Variants in ZRANB3 observed in about 807,000 individuals in gnomAD.
The protein encoded by ZRANB3 is DNA annealing helicase and endonuclease ZRANB3.
A neutral mutation model predicts 133.8 loss-of-function variants in ZRANB3; 125 were observed. The observed-to-expected ratio is 0.93, with a 90% CI of 0.81 to 1.08. The LOEUF is 1.08. Among genes scored for constraint, ZRANB3 ranks in the 50% least tolerant of loss-of-function variants. The pLI, the probability that ZRANB3 is intolerant of heterozygous loss-of-function variation, is 0.00. For synonymous variants in ZRANB3, 387 were observed against 432.7 expected (o/e 0.89, Z 1.31); for missense variants, 1,229 against 1,275.5 (o/e 0.96, Z 0.56).
chr2:135,222,192 C>T (rs901182424), intron 15 of ZRANB3, among the ~76,000 whole-genome samples: 3 of 151,882 alleles, frequency 2.0e-5, no homozygotes, highest in African/African-American at 7.3e-5. Flanking sequence ...ATCACGAAGT[C>T]AGGAGTTCAA....
chr2:135,527,419 C>T (rs889435528), intron 1 of ZRANB3, among the ~76,000 whole-genome samples: 2 of 151,982 alleles, frequency 1.3e-5, no homozygotes, highest in Non-Finnish European at 2.9e-5. Context: ...GTTAGCCAGG[C>T]ATGATGGTGC....
At chr2:135,367,702 C>T (rs1194105560) in intron 3 of ZRANB3, among the ~76,000 whole-genome samples, 1 of 152,142 alleles carries the variant, frequency 6.6e-6, no homozygotes, top group Non-Finnish European at 1.5e-5. Context: ...CTGCATTAAA[C>T]ATAGTGATAG....
intron 2 of ZRANB3, among the ~76,000 whole-genome samples, chr2:135,452,182 C>A (rs997333954): frequency 2.6e-5 from 4 of 152,050 alleles, no homozygotes; most frequent in Non-Finnish European, 4.4e-5. Context: ...AAGCAGAAAC[C>A]CCTGATGAAC....
intron 10 of ZRANB3, among the ~76,000 whole-genome samples, 153 bp downstream of exon 10, chr2:135,271,615 T>C (rs1409903166): frequency 6.6e-6 from 1 of 152,238 alleles, no homozygotes; most frequent in African/African-American, 2.4e-5. Context: ...CTTTCTATTA[T>C]ACTTTCTGGA....
At chr2:135,223,802 A>T (rs1283996400) in intron 15 of ZRANB3, among the ~76,000 whole-genome samples, 1 of 152,198 alleles carries the variant, frequency 6.6e-6, no homozygotes, top group Non-Finnish European at 1.5e-5. Flanking sequence ...AGGAATCAGC[A>T]ATCATCTGAC....
At chr2:135,421,667 T>C (rs1688848437) in intron 2 of ZRANB3, among the ~76,000 whole-genome samples, 1 of 152,130 alleles carries the variant, frequency 6.6e-6, no homozygotes, top group Non-Finnish European at 1.5e-5. Context: ...CTACTCTATA[T>C]CTGTTGCTTC....
At chr2:135,397,443 G>T (rs1034739690) in intron 2 of ZRANB3, among the ~76,000 whole-genome samples, 2 of 134,926 alleles carry the variant, frequency 1.5e-5, no homozygotes, top group African/African-American at 5.4e-5. Flanking sequence ...GCCAGACCCT[G>T]ACTCAAAAAA....
intron 3 of ZRANB3, among the ~76,000 whole-genome samples, chr2:135,359,955 T>A (rs1377299781): frequency 1.3e-5 from 2 of 152,182 alleles, no homozygotes; most frequent in Admixed American, 6.5e-5. Context: ...TGAAACAAAC[T>A]AGAAAAATAC....
Position 135,230,847 on chromosome 2 carries a change from G to A in ZRANB3, c.1620C>T (p.Asp540=), listed in dbSNP as rs374594617. The A allele has an allele frequency of 1.6e-4, 263 of 1,609,514 alleles. No homozygotes were observed. Among genetic ancestry groups the A allele is most frequent in the East Asian group, 4.7e-4 (21 of 44,810 alleles). ...TTTCCTCCCGGAATCTCTTTGATTC[G>A]TCACAGGAGGTCATCAACTGTCTTT... is the stretch of plus-strand genomic sequence containing the variant. ...PKKRQLMTSC[D]ESKRFREENT... Residue 540 remains aspartate (D), a synonymous_variant, in exon 13 of 21, where the codon GAC becomes GAT. Coordinates refer to ENST00000264159, the MANE Select transcript of ZRANB3 (RefSeq NM_032143.4).
intron 2 of ZRANB3, among the ~76,000 whole-genome samples, chr2:135,440,341 G>A (rs1689725541): frequency 6.6e-6 from 1 of 152,006 alleles, no homozygotes; most frequent in South Asian, 2.1e-4. Context: ...AGAGGTTGCA[G>A]TGAGCTGAGA....
Position 135,350,177 on chromosome 2 carries a change from C to T in ZRANB3, c.398G>A (p.Gly133Asp). The T allele has an allele frequency of 1.2e-6, 2 of 1,607,012 alleles. No homozygotes were observed. The highest frequency in any genetic ancestry group is 1.7e-6 in the Non-Finnish European group (2 of 1,176,428). Residue 133 changes from glycine (G) to aspartate (D), a missense_variant, in exon 5 of 21, where the codon GGT becomes GAT. Coordinates refer to ENST00000264159, the MANE Select transcript of ZRANB3 (RefSeq NM_032143.4). ...STSKVTVLGY[G>D]LLTADAKTLI... ...AGTCTTTGCATCTGCGGTTAAGAGA[C>T]CATAACCCAGAACTGTCACTTTACT...
intron 1 of ZRANB3, among the ~76,000 whole-genome samples, chr2:135,524,460 T>A (rs929310841): frequency 3.3e-5 from 5 of 152,152 alleles, no homozygotes. Context: ...CAAGAAAAAT[T>A]CTGTATTGTT....
At chr2:135,346,289 A>T (rs553808639) in intron 5 of ZRANB3, among the ~76,000 whole-genome samples, 43 of 152,028 alleles carry the variant, frequency 2.8e-4, no homozygotes, top group African/African-American at 9.9e-4. Context: ...TTTAGTAGAG[A>T]CGGGGTTTCA....
chr2:135,224,590 G>T, intron 14 of ZRANB3, 73 bp from the exon 15 acceptor site: 1 of 1,086,556 alleles, frequency 9.2e-7, no homozygotes, highest in Non-Finnish European at 1.4e-6. Flanking sequence ...TTAATCGTGT[G>T]TAGGTTAGAA....
intron 2 of ZRANB3, among the ~76,000 whole-genome samples, chr2:135,431,645 A>C (rs1342979713): frequency 1.3e-5 from 2 of 152,150 alleles, no homozygotes. Flanking sequence ...AATAGGCAAA[A>C]GATTTGAGCA....
intron 6 of ZRANB3, among the ~76,000 whole-genome samples, chr2:135,335,262 G>T (rs1443847792): frequency 6.6e-6 from 1 of 151,984 alleles, no homozygotes; most frequent in East Asian, 1.9e-4. Flanking sequence ...TTTAAAAATT[G>T]ATGAATTATT....
At chr2:135,415,195 T>A (rs1167019578) in intron 2 of ZRANB3, among the ~76,000 whole-genome samples, 1 of 149,842 alleles carries the variant, frequency 6.7e-6, no homozygotes, top group Non-Finnish European at 1.5e-5. Context: ...ATCAACAAAA[T>A]TGATAGACCA....
intron 9 of ZRANB3, among the ~76,000 whole-genome samples, 168 bp downstream of exon 9, chr2:135,275,468 A>C (rs1420967489): frequency 2.0e-5 from 3 of 152,176 alleles, no homozygotes; most frequent in Non-Finnish European, 4.4e-5. Flanking sequence ...AATAGTATAT[A>C]ATCATCATCA....
Position 135,230,903 on chromosome 2 carries a change from T to C in ZRANB3, c.1564A>G (p.Ile522Val), listed in dbSNP as rs1485535842. The C allele has an allele frequency of 3.8e-6, 6 of 1,563,522 alleles. No homozygotes were observed. The highest frequency in any genetic ancestry group is 5.2e-6 in the Non-Finnish European group (6 of 1,156,854). ...GGTTGTGGTACAAAAAATGATCGAA[T>C]ATCATGCTGTTTTTCTTTTTCGAAC... is the stretch of plus-strand genomic sequence containing the variant. ...THFEKEKQHD[I>V]RSFFVPQPKK... Residue 522 changes from isoleucine to valine, a missense_variant, in exon 13 of 21, where the codon ATT becomes GTT. Coordinates refer to ENST00000264159, the MANE Select transcript of ZRANB3 (RefSeq NM_032143.4).
Sources: gnomAD v4.1 joint callset for allele counts (sites outside exome capture counted in the v4.1 genomes callset) on GRCh38, gnomAD v4.1.1 for gene constraint, MANE v1.5 for transcripts, NCBI Gene and HGNC (gene_info 2026-07-23, HGNC 2026-07-21) for gene names.